The following TUSC3 variants were observed in gnomAD, a reference collection of about 807,000 sequenced individuals.
TUSC3 encodes tumor suppressor candidate 3, also known as dolichyl-diphosphooligosaccharide--protein glycosyltransferase subunit TUSC3.
A neutral mutation model predicts 44.8 loss-of-function variants in TUSC3; 45 were observed. The observed-to-expected ratio is 1.00, with a 90% CI of 0.79 to 1.29. TUSC3 has a LOEUF of 1.29. Among genes scored for constraint, TUSC3 ranks in the 50% most tolerant of loss-of-function variants. TUSC3 has a pLI of 0.00. For missense variants in TUSC3, 519 were observed against 437.9 expected (o/e 1.19, Z -1.65); for synonymous variants, 212 against 152.9 (o/e 1.39, Z -2.85).
At chr8:15,818,857 T>C in the TUSC3 span, among the ~76,000 whole-genome samples, 1 of 152,196 alleles carries the variant, frequency 6.6e-6, no homozygotes, top group South Asian at 2.1e-4. Flanking sequence ...GCTAATTTAA[T>C]GGTGAAGGCT....
At chr8:15,647,961 C>A (rs575662269) in intron 2 of TUSC3, among the ~76,000 whole-genome samples, 15 of 152,132 alleles carry the variant, frequency 9.9e-5, no homozygotes, top group African/African-American at 1.2e-4. Context: ...TTGATATATC[C>A]CAGTATCTCT....
intron 3 of TUSC3, among the ~76,000 whole-genome samples, chr8:15,655,503 T>C (rs571587606): frequency 3.3e-4 from 51 of 152,322 alleles, no homozygotes; most frequent in African/African-American, 9.9e-4. Context: ...GTCATGCCAG[T>C]GTATGAAACT....
intron 2 of TUSC3, among the ~76,000 whole-genome samples, chr8:15,520,481 T>G (rs2129129292): frequency 6.6e-6 from 1 of 152,352 alleles, no homozygotes; most frequent in Admixed American, 6.5e-5. Flanking sequence ...CATGGTTAGC[T>G]TCTGTTATTT....
At chr8:15,576,284 T>TTTTTTTTTTA (rs1554517169) in intron 1 of TUSC3, among the ~76,000 whole-genome samples, 16 of 141,752 alleles carry the variant, frequency 1.1e-4, no homozygotes, top group African/African-American at 2.3e-4. Context: ...CTCTTGTTTT[T>TTTTTTTTTTA]TTTTTTTATT....
At chr8:15,719,518 A>C (rs1490639175) in intron 6 of TUSC3, among the ~76,000 whole-genome samples, 369 of 11,928 alleles carry the variant, frequency 0.031, 3 homozygotes, top group African/African-American at 0.061. Context: ...CACACACACC[A>C]CACACACACA....
At chr8:15,547,229 AT>A in intron 1 of TUSC3, among the ~76,000 whole-genome samples, 1 of 151,724 alleles carries the variant, frequency 6.6e-6, no homozygotes, top group East Asian at 2.0e-4. Context: ...TGTAGCACTG[AT>A]TTTATTTAAT....
chr8:15,785,543 G>T, the TUSC3 span, among the ~76,000 whole-genome samples: 1 of 151,364 alleles, frequency 6.6e-6, no homozygotes, highest in Non-Finnish European at 1.5e-5. Flanking sequence ...GAGACTCTCA[G>T]GACAGGGGGG....
the TUSC3 span, among the ~76,000 whole-genome samples, chr8:15,777,010 G>C: frequency 6.6e-6 from 1 of 152,018 alleles, no homozygotes; most frequent in East Asian, 1.9e-4. Flanking sequence ...ATCTCATGTA[G>C]ACAGGTTGTG....
chr8:15,518,508 GTTTAT>G (rs943428352), intron 2 of TUSC3, among the ~76,000 whole-genome samples: 1 of 152,088 alleles, frequency 6.6e-6, no homozygotes, highest in African/African-American at 2.4e-5. Flanking sequence ...ACAGAAAAGT[GTTTAT>G]TTTAACTAGT....
chr8:15,508,007 C>G (rs1322651331), intron 2 of TUSC3, among the ~76,000 whole-genome samples: 1 of 152,052 alleles, frequency 6.6e-6, no homozygotes, highest in Admixed American at 6.6e-5. Flanking sequence ...TTTGGGAGGC[C>G]GAAGTGGGTG....
chr8:15,603,372 G>C (rs1804374339), intron 1 of TUSC3, among the ~76,000 whole-genome samples: 1 of 151,614 alleles, frequency 6.6e-6, no homozygotes, highest in Non-Finnish European at 1.5e-5. Flanking sequence ...TGTTAGTGTT[G>C]ATAAGTATGT....
chr8:15,830,783 G>C, the TUSC3 span, among the ~76,000 whole-genome samples: 1 of 152,124 alleles, frequency 6.6e-6, no homozygotes, highest in Admixed American at 6.5e-5. Context: ...GGGGGATCAG[G>C]GTTGAAAAAT....
At chr8:15,497,775 C>T (rs921767453) in intron 2 of TUSC3, among the ~76,000 whole-genome samples, 2 of 150,898 alleles carry the variant, frequency 1.3e-5, no homozygotes, top group South Asian at 2.1e-4. Flanking sequence ...GACAAAGTCT[C>T]GCTCTGTCTC....
At chr8:15,423,620 G>A (rs1799764679) in intron 1 of TUSC3, among the ~76,000 whole-genome samples, 1 of 152,272 alleles carries the variant, frequency 6.6e-6, no homozygotes, top group South Asian at 2.1e-4. Flanking sequence ...CAGATGAGGA[G>A]GTTTGAAATA....
In TUSC3 at chr8:15,556,581, T is replaced by C. The variant is rs1344384267; in HGVS notation, c.138+16013T>C. ...CTAGATCCCTGAGGAATCGCCACACTGACTTCCACAATGGTTGAACTAGTT... is the reference window on the plus strand; with the variant it reads ...CTAGATCCCTGAGGAATCGCCACACCGACTTCCACAATGGTTGAACTAGTT... On this transcript the variant is annotated intron_variant, in intron 1 of 10. Coordinates refer to ENST00000503731, the MANE Select transcript of TUSC3 (RefSeq NM_006765.4). Among the ~76,000 whole-genome samples the C allele has an allele frequency of 1.1e-4, 17 of 148,306 alleles. No individual in the cohort carries two copies. The East Asian group carries it at 3.3e-3, about 29-fold the overall frequency.
the TUSC3 span, among the ~76,000 whole-genome samples, chr8:15,849,272 G>A: frequency 9.2e-5 from 14 of 152,060 alleles, no homozygotes; most frequent in African/African-American, 3.4e-4. Flanking sequence ...AAAATATTTA[G>A]AGGTAGTGAT....
At chr8:15,572,041 T>C (rs1802898389) in intron 1 of TUSC3, among the ~76,000 whole-genome samples, 1 of 152,140 alleles carries the variant, frequency 6.6e-6, no homozygotes, top group Non-Finnish European at 1.5e-5. Context: ...AAATGAACGT[T>C]GGCTTCAACT....
At chr8:15,645,621 A>G (rs369565937) in intron 2 of TUSC3, among the ~76,000 whole-genome samples, 1 of 152,138 alleles carries the variant, frequency 6.6e-6, no homozygotes, top group Non-Finnish European at 1.5e-5. Context: ...ATTGCAGTAC[A>G]TATGAAAATG....
chr8:15,772,575 TAC>T, the TUSC3 span, among the ~76,000 whole-genome samples: 3 of 152,152 alleles, frequency 2.0e-5, no homozygotes, highest in African/African-American at 4.8e-5. Flanking sequence ...ACTGGTGAGT[TAC>T]ACCAAATATT....
Sources: gnomAD v4.1 joint callset for allele counts (sites outside exome capture counted in the v4.1 genomes callset) on GRCh38, gnomAD v4.1.1 for gene constraint, MANE v1.5 for transcripts, NCBI Gene and HGNC (gene_info 2026-07-23, HGNC 2026-07-21) for gene names.